CREB3L2: variants seen among roughly 807,000 people sequenced by gnomAD.
CREB3L2 encodes the protein cyclic AMP-responsive element-binding protein 3-like protein 2.
A neutral mutation model predicts 57.2 loss-of-function variants in CREB3L2; 23 were observed. That is an observed-to-expected ratio of 0.40 (90% confidence interval 0.29 to 0.57). The LOEUF (loss-of-function observed/expected upper bound fraction) is 0.57. Among genes scored for constraint, CREB3L2 ranks in the 20% least tolerant of loss-of-function variants. CREB3L2 has a pLI of 0.42. For missense variants in CREB3L2, 628 were observed against 634.7 expected (o/e 0.99, Z 0.11); for synonymous variants, 268 against 265.1 (o/e 1.01, Z -0.11).
chr7:137,952,184 T>C (rs1405124919), intron 1 of CREB3L2, among the ~76,000 whole-genome samples: 2 of 152,250 alleles, frequency 1.3e-5, no homozygotes, highest in East Asian at 3.8e-4. Flanking sequence ...ATATGACTAA[T>C]ACCCTGTTCA....
chr7:137,960,828 T>TTTTG (rs1801307628), intron 1 of CREB3L2, among the ~76,000 whole-genome samples: 1 of 146,218 alleles, frequency 6.8e-6, no homozygotes, highest in Non-Finnish European at 1.5e-5. Flanking sequence ...TTTTTTTTTT[T>TTTTG]TTGAGACAGA....
chr7:137,951,754 G>C (rs1237567593), intron 1 of CREB3L2, among the ~76,000 whole-genome samples: 1 of 152,202 alleles, frequency 6.6e-6, no homozygotes, highest in African/African-American at 2.4e-5. Context: ...AGGTGAGGCA[G>C]AAGGACTGCT....
chr7:137,957,269 A>C (rs1372219714), intron 1 of CREB3L2, among the ~76,000 whole-genome samples: 1 of 152,222 alleles, frequency 6.6e-6, no homozygotes, highest in Admixed American at 6.5e-5. Flanking sequence ...AGGCACCCAA[A>C]GTGCACTCAA....
intron 8 of CREB3L2, among the ~76,000 whole-genome samples, chr7:137,886,408 A>G (rs1316463419): frequency 6.6e-6 from 1 of 152,126 alleles, no homozygotes; most frequent in African/African-American, 2.4e-5. Context: ...GAGAAAGGCC[A>G]GAGGTGGGGG....
At position 137,876,923 on chromosome 7, in the gene CREB3L2, A is replaced by T. The variant is rs981354973; in HGVS notation, c.*3553T>A. ...GGGGGTGGGATGTCTCCATTTCTGGACTGTGCTCAAATTCACACCTTGTAT... is the reference window on the plus strand; with the variant it reads ...GGGGGTGGGATGTCTCCATTTCTGGTCTGTGCTCAAATTCACACCTTGTAT... On this transcript the variant is annotated 3_prime_UTR_variant, in exon 12 of 12. Transcript: ENST00000330387. 1 of 232,358 alleles carries T rather than the reference A, an allele frequency of 4.3e-6. No individual in the cohort carries two copies. Among genetic ancestry groups the T allele is most frequent in the Non-Finnish European group, 8.5e-6 (1 of 117,474 alleles). 14.4% of individuals were successfully genotyped at this position (232,358 alleles called of 1,614,324 possible).
At chr7:137,948,199 A>G (rs1008255275) in intron 1 of CREB3L2, among the ~76,000 whole-genome samples, 2 of 152,220 alleles carry the variant, frequency 1.3e-5, no homozygotes, top group African/African-American at 4.8e-5. Flanking sequence ...AAAATTCATA[A>G]TGTGTCAGTC....
At chr7:137,964,423 T>C (rs1311463910) in intron 1 of CREB3L2, among the ~76,000 whole-genome samples, 3 of 152,232 alleles carry the variant, frequency 2.0e-5, no homozygotes, top group African/African-American at 4.8e-5. Flanking sequence ...AAATCAATCA[T>C]GTGTTTCGAC....
At chr7:137,901,919 C>T (rs939050747) in intron 7 of CREB3L2, among the ~76,000 whole-genome samples, 1 of 142,728 alleles carries the variant, frequency 7.0e-6, no homozygotes, top group Non-Finnish European at 1.5e-5. Context: ...TGGGGCCGGG[C>T]GTAGTGGCTC....
At chr7:137,897,650 A>G (rs1799655766) in intron 8 of CREB3L2, among the ~76,000 whole-genome samples, 1 of 152,202 alleles carries the variant, frequency 6.6e-6, no homozygotes, top group African/African-American at 2.4e-5. Flanking sequence ...GTCATGAGCC[A>G]CTGCGCCTGA....
intron 1 of CREB3L2, among the ~76,000 whole-genome samples, chr7:137,961,363 T>C (rs1321943308): frequency 6.6e-6 from 1 of 152,164 alleles, no homozygotes; most frequent in Non-Finnish European, 1.5e-5. Context: ...GGAAGGAACA[T>C]CATGGGGGCC....
intron 4 of CREB3L2, 40 bp from the exon 5 acceptor site, chr7:137,908,476 C>G: frequency 8.9e-6 from 11 of 1,238,164 alleles, no homozygotes; most frequent in Non-Finnish European, 1.1e-5. Flanking sequence ...CCCAGAGCCA[C>G]AAAGCAGGAC....
intron 1 of CREB3L2, among the ~76,000 whole-genome samples, chr7:137,944,956 G>C (rs997053083): frequency 2.0e-5 from 3 of 152,088 alleles, no homozygotes; most frequent in African/African-American, 7.2e-5. Context: ...GCAGTGGCAT[G>C]ATCTCGACTC....
intron 1 of CREB3L2, among the ~76,000 whole-genome samples, chr7:137,988,769 G>A (rs1450678447): frequency 6.6e-6 from 1 of 152,158 alleles, no homozygotes; most frequent in African/African-American, 2.4e-5. Context: ...TCCAGAGATA[G>A]ATGGACTTAT....
Position 137,935,116 on chromosome 7 carries a change from G to T in CREB3L2, c.103-6750C>A, listed in dbSNP as rs148713626. On this transcript the variant is annotated intron_variant, in intron 1 of 11. Coordinates refer to ENST00000330387, the MANE Select transcript of CREB3L2 (RefSeq NM_194071.4). ...ATCCTGGCTGTGCAAGCCTGAGGAA[G>T]ATATGTCCATACTCCAAACCTTGGT... Among the ~76,000 whole-genome samples the T allele has an allele frequency of 3.4e-4, 52 of 152,338 alleles. 1 individual carries two copies. The South Asian group carries it at 7.9e-3, about 23-fold the overall frequency.
intron 2 of CREB3L2, 25 bp from the exon 3 acceptor site, chr7:137,916,037 A>G (rs1164785508): frequency 1.3e-6 from 2 of 1,598,094 alleles, no homozygotes; most frequent in African/African-American, 2.7e-5. Context: ...ACAAGCACAC[A>G]TGTGAACTTG....
intron 1 of CREB3L2, among the ~76,000 whole-genome samples, chr7:137,968,545 CTTCT>C (rs914837017): frequency 7.9e-5 from 12 of 152,166 alleles, no homozygotes; most frequent in African/African-American, 2.7e-4. Context: ...TGAACCCATC[CTTCT>C]TTAAGGCTGC....
chr7:137,946,569 A>G (rs1488887025), intron 1 of CREB3L2, among the ~76,000 whole-genome samples: 1 of 151,752 alleles, frequency 6.6e-6, no homozygotes, highest in Admixed American at 6.6e-5. Flanking sequence ...CAGCTAAGCC[A>G]TGCCCAGACT....
chr7:137,929,298 T>C (rs190919363), intron 1 of CREB3L2, among the ~76,000 whole-genome samples: 1 of 152,258 alleles, frequency 6.6e-6, no homozygotes, highest in East Asian at 1.9e-4. Context: ...TCTATATTCA[T>C]GGTATGAGGA....
chr7:137,909,349 G>A (rs1024188695), intron 4 of CREB3L2, among the ~76,000 whole-genome samples: 6 of 152,168 alleles, frequency 3.9e-5, no homozygotes, highest in Admixed American at 6.5e-5. Flanking sequence ...CTTGGTCAGC[G>A]TCCATCAGGC....
Sources: allele counts gnomAD v4.1 joint callset (sites outside exome capture counted in the v4.1 genomes callset), GRCh38; gene constraint gnomAD v4.1.1; transcripts MANE v1.5; gene names NCBI Gene and HGNC (gene_info 2026-07-23, HGNC 2026-07-21).